ASCC1: variants seen among roughly 807,000 people sequenced by gnomAD.
ASCC1 encodes the protein activating signal cointegrator 1 complex subunit 1, also known as ASC-1 complex subunit P50.
ASCC1 carries 35 observed loss-of-function variants against 46.6 expected under a neutral mutation model. The observed-to-expected ratio is 0.75, with a 90% CI of 0.57 to 0.99. The LOEUF is 0.99. ASCC1 is among the 50% of genes least tolerant of loss of function. ASCC1 has a pLI of 0.00. For synonymous variants in ASCC1, 143 were observed against 146.6 expected (o/e 0.98, Z 0.18); for missense variants, 376 against 428.7 (o/e 0.88, Z 1.09).
intron 7 of ASCC1, among the ~76,000 whole-genome samples, chr10:72,151,992 A>T (rs1410329190): frequency 5.1e-5 from 6 of 118,214 alleles, no homozygotes; most frequent in South Asian, 2.9e-4. Context: ...ACCGGCCAAT[A>T]TTTTTTTTTT....
At chr10:72,118,696 T>C (rs961760554) in intron 9 of ASCC1, among the ~76,000 whole-genome samples, 2 of 151,474 alleles carry the variant, frequency 1.3e-5, no homozygotes, top group Non-Finnish European at 2.9e-5. Flanking sequence ...GGAGAATTGC[T>C]TGATCCTGGG....
chr10:72,211,143 T>C (rs1858037826), intron 2 of ASCC1, among the ~76,000 whole-genome samples: 1 of 152,222 alleles, frequency 6.6e-6, no homozygotes, highest in South Asian at 2.1e-4. Flanking sequence ...TACTTGCAGT[T>C]AACTGCTGTC....
chr10:72,172,991 T>TTA (rs952293657), intron 5 of ASCC1, among the ~76,000 whole-genome samples: 7 of 141,958 alleles, frequency 4.9e-5, no homozygotes, highest in East Asian at 2.0e-4. Flanking sequence ...TATTTTTATA[T>TTA]TATATATATA....
intron 5 of ASCC1, among the ~76,000 whole-genome samples, chr10:72,180,385 G>A (rs1321161966): frequency 6.6e-6 from 1 of 152,148 alleles, no homozygotes; most frequent in Non-Finnish European, 1.5e-5. Flanking sequence ...CAGCACTTTG[G>A]TAGGCCTAGG....
rs1240473728 is a variant in ASCC1 at position 72,096,082 on chromosome 10, T to G, written c.*1252A>C. 2 of 452,950 alleles carry G rather than the reference T, an allele frequency of 4.4e-6. No individual in the cohort carries two copies. Among genetic ancestry groups the G allele is most frequent in the East Asian group, 1.4e-4 (2 of 14,376 alleles). 28.1% of individuals were successfully genotyped at this position (452,950 alleles called of 1,614,324 possible). A position where few individuals can be genotyped will look rare whatever the true frequency, so the allele number is the denominator to read the frequency against. On this transcript the variant is annotated 3_prime_UTR_variant, in exon 10 of 10. Coordinates refer to ENST00000672957, the MANE Select transcript of ASCC1 (RefSeq NM_001198800.3). ...TGATTTGTGCAGTCCCAATAATAAATCTCACTGTTAGACACAGTCCTCACA... is the reference window on the plus strand; with the variant it reads ...TGATTTGTGCAGTCCCAATAATAAAGCTCACTGTTAGACACAGTCCTCACA...
rs146071022 is a variant in ASCC1, at chr10:72,128,192, T to C, written c.872-25A>G. ...GCTGTAAATATTCCAAAGATAATGTTAGAAGCTTAGATTGATTGGTTGTTT... is the reference window on the plus strand; with the variant it reads ...GCTGTAAATATTCCAAAGATAATGTCAGAAGCTTAGATTGATTGGTTGTTT... On this transcript the variant is annotated intron_variant, in intron 8 of 9. Transcript: ENST00000672957. 9.6e-5 allele frequency: 153 copies of C among 1,588,192 alleles called. 1 individual carries two copies. The East Asian group carries it at 3.2e-3, about 33-fold the overall frequency.
chr10:72,110,794 G>A lies in ASCC1; in HGVS notation c.958-13344C>T, dbSNP rs191572534. Among the ~76,000 whole-genome samples the A allele has an allele frequency of 1.4e-4, 21 of 152,294 alleles. No individual in the cohort carries two copies. The East Asian group carries it at 3.3e-3, about 24-fold the overall frequency. On this transcript the variant is annotated intron_variant, in intron 9 of 9. Transcript: ENST00000672957. ...ACAGCGAGACTCCGTCTCAAAAAAAGCAAATCAGATGTCTCTAGGCAACAT... is the reference window on the plus strand; with the variant it reads ...ACAGCGAGACTCCGTCTCAAAAAAAACAAATCAGATGTCTCTAGGCAACAT...
intron 9 of ASCC1, among the ~76,000 whole-genome samples, chr10:72,111,157 C>T (rs921899742): frequency 6.6e-6 from 1 of 152,072 alleles, no homozygotes; most frequent in Non-Finnish European, 1.5e-5. Flanking sequence ...TTATCATCTC[C>T]GTGCATGTCA....
chr10:72,190,132 T>A, intron 5 of ASCC1: 2 of 761,238 alleles, frequency 2.6e-6, no homozygotes, highest in Non-Finnish European at 4.8e-6. Context: ...TATATAGGAT[T>A]CATGTTCGCT....
At chr10:72,131,476 A>ACACACACACACACACT (rs1455597730) in intron 8 of ASCC1, among the ~76,000 whole-genome samples, 2 of 145,952 alleles carry the variant, frequency 1.4e-5, no homozygotes, top group African/African-American at 5.0e-5. Context: ...ACACACACAC[A>ACACACACACACACACT]CTCAACTGGA....
chr10:72,187,985 T>C (rs1853755149), intron 5 of ASCC1, among the ~76,000 whole-genome samples: 1 of 151,882 alleles, frequency 6.6e-6, no homozygotes, highest in African/African-American at 2.4e-5. Context: ...GTTTTACAAT[T>C]CTACACTAAG....
intron 3 of ASCC1, among the ~76,000 whole-genome samples, chr10:72,209,770 C>A (rs79819428): frequency 1.3e-5 from 2 of 151,894 alleles, no homozygotes; most frequent in Admixed American, 6.6e-5. Flanking sequence ...GGCGAAAGAG[C>A]GAAACTCTGT....
upstream of ASCC1, chr10:72,216,930 T>G (rs540857481): frequency 2.2e-6 from 1 of 456,232 alleles, no homozygotes; most frequent in African/African-American, 2.0e-5. Context: ...GTTGTGCGAA[T>G]AGATCTGCAC....
In ASCC1 at chr10:72,183,184, C is replaced by T. The variant is rs148023704; in HGVS notation, c.489+13627G>A. Reference sequence around the variant, plus strand: ...TCCGCCTCCTGAGTAGCTGGGATTACGGGCACCCGCCACCATACAGGGCTA... The same window carrying T: ...TCCGCCTCCTGAGTAGCTGGGATTATGGGCACCCGCCACCATACAGGGCTA... On this transcript the variant is annotated intron_variant, in intron 5 of 9. Coordinates refer to ENST00000672957, the MANE Select transcript of ASCC1 (RefSeq NM_001198800.3). Among the ~76,000 whole-genome samples, 199 of 151,844 alleles carry T rather than the reference C, an allele frequency of 1.3e-3. 3 individuals are homozygous for T. Among genetic ancestry groups the T allele is most frequent in the African/African-American group, 4.0e-3 (166 of 41,476 alleles).
At chr10:72,214,739 A>AG (rs1477921352) in intron 1 of ASCC1, among the ~76,000 whole-genome samples, 1 of 152,096 alleles carries the variant, frequency 6.6e-6, no homozygotes, top group Non-Finnish European at 1.5e-5. Flanking sequence ...TTAACCATCC[A>AG]GAAAAAAAAA....
chr10:72,129,684 T>C (rs1845331910), intron 8 of ASCC1, among the ~76,000 whole-genome samples: 1 of 151,826 alleles, frequency 6.6e-6, no homozygotes, highest in African/African-American at 2.4e-5. Flanking sequence ...CGCACACCTG[T>C]AATCCCAGCT....
upstream of ASCC1, among the ~76,000 whole-genome samples, chr10:72,216,476 T>TCC (rs1330616971): frequency 4.9e-4 from 2 of 4,086 alleles, no homozygotes; most frequent in Non-Finnish European, 9.8e-4. Context: ...CCCGCCCCGT[T>TCC]CCCGCCCCCC....
intron 9 of ASCC1, chr10:72,102,346 T>C (rs1365601677): frequency 8.4e-6 from 13 of 1,549,236 alleles, no homozygotes; most frequent in Non-Finnish European, 1.1e-5. Flanking sequence ...ACTAGCTCTC[T>C]GTGTCCCAAG....
intron 9 of ASCC1, among the ~76,000 whole-genome samples, chr10:72,114,576 A>G (rs1328013164): frequency 6.7e-6 from 1 of 149,698 alleles, no homozygotes; most frequent in African/African-American, 2.5e-5. Context: ...AGTGAACTGG[A>G]TCGCACCACT....
Sources: gnomAD v4.1 joint callset for allele counts (sites outside exome capture counted in the v4.1 genomes callset) on GRCh38, gnomAD v4.1.1 for gene constraint, MANE v1.5 for transcripts, NCBI Gene and HGNC (gene_info 2026-07-23, HGNC 2026-07-21) for gene names.